COG5: variants seen among roughly 807,000 people sequenced by gnomAD.
The protein encoded by COG5 is component of oligomeric golgi complex 5.
A neutral mutation model predicts 110.4 loss-of-function variants in COG5; 86 were observed. The observed-to-expected ratio is 0.78, with a 90% confidence interval of 0.65 to 0.93. COG5 has a LOEUF of 0.93. COG5 is among the 40% of genes least tolerant of loss of function. The probability of loss-of-function intolerance (pLI) is 0.00; values close to 1 mark genes in which losing one functional copy is unlikely to be tolerated. For missense variants in COG5, 1,077 were observed against 987.0 expected, an observed-to-expected ratio of 1.09 and a Z score of -1.22; for synonymous variants, 360 against 334.6, an observed-to-expected ratio of 1.08 and a Z score of -0.83.
chr7:107,395,743 T>G (rs572562317), intron 7 of COG5, among the ~76,000 whole-genome samples: 7 of 151,826 alleles, frequency 4.6e-5, no homozygotes, highest in South Asian at 2.1e-4. Context: ...TTAGTAGAGA[T>G]AGGGTTTTTC....
intron 11 of COG5, among the ~76,000 whole-genome samples, chr7:107,311,780 G>C (rs531669407): frequency 1.3e-5 from 2 of 151,694 alleles, no homozygotes; most frequent in South Asian, 4.2e-4. Context: ...CTTACCTTTA[G>C]TGTTAATTAA....
At chr7:107,414,978 G>A (rs569813784) in intron 6 of COG5, among the ~76,000 whole-genome samples, 6 of 151,478 alleles carry the variant, frequency 4.0e-5, no homozygotes, top group South Asian at 2.1e-4. Flanking sequence ...CACCCGCCTC[G>A]GCCTCCCAAA....
chr7:107,358,953 G>A (rs1812863671), intron 10 of COG5, among the ~76,000 whole-genome samples: 1 of 152,072 alleles, frequency 6.6e-6, no homozygotes, highest in Admixed American at 6.5e-5. Flanking sequence ...TCCTTTCATT[G>A]TCACAAATCA....
chr7:107,333,260 G>A (rs1220635265), intron 10 of COG5, among the ~76,000 whole-genome samples: 2 of 152,048 alleles, frequency 1.3e-5, no homozygotes, highest in African/African-American at 2.4e-5. Flanking sequence ...AATAAAATAA[G>A]GCAAATAAAA....
At chr7:107,519,622 A>C (rs1373946512) in intron 6 of COG5, among the ~76,000 whole-genome samples, 1 of 152,218 alleles carries the variant, frequency 6.6e-6, no homozygotes, top group Non-Finnish European at 1.5e-5. Context: ...GAATAGACTA[A>C]TAACAAGTCC....
intron 15 of COG5, 26 bp downstream of exon 15, chr7:107,258,246 TA>T (rs539484225): frequency 9.9e-5 from 134 of 1,357,326 alleles, no homozygotes; most frequent in Non-Finnish European, 1.3e-4. Flanking sequence ...TAAAATTAAG[TA>T]AAAAAAAACT....
intron 7 of COG5, among the ~76,000 whole-genome samples, chr7:107,391,566 G>A (rs1356883183): frequency 1.3e-5 from 2 of 152,124 alleles, no homozygotes; most frequent in Non-Finnish European, 2.9e-5. Flanking sequence ...CAAATCCAAT[G>A]TCATGACACT....
chr7:107,308,290 G>C (rs1372166749), intron 11 of COG5, among the ~76,000 whole-genome samples: 1 of 151,956 alleles, frequency 6.6e-6, no homozygotes, highest in Non-Finnish European at 1.5e-5. Context: ...CTTATGTTTG[G>C]GTCTTACTCT....
chr7:107,396,175 A>G (rs1340279903), intron 7 of COG5, among the ~76,000 whole-genome samples: 2 of 152,190 alleles, frequency 1.3e-5, no homozygotes, highest in South Asian at 2.1e-4. Context: ...ATGGAGCTCC[A>G]TGGGAGATTA....
chr7:107,324,166 G>C (rs1223940736), intron 11 of COG5, among the ~76,000 whole-genome samples: 3 of 152,094 alleles, frequency 2.0e-5, no homozygotes, highest in Admixed American at 6.5e-5. Flanking sequence ...AATTCAGACA[G>C]AGTTCTTCTG....
At chr7:107,240,470 C>T (rs1801525843) in intron 17 of COG5, among the ~76,000 whole-genome samples, 1 of 152,176 alleles carries the variant, frequency 6.6e-6, no homozygotes, top group African/African-American at 2.4e-5. Flanking sequence ...CCTGCCTCGG[C>T]CTCCGAAAGT....
intron 7 of COG5, among the ~76,000 whole-genome samples, chr7:107,409,695 A>G (rs1164347200): frequency 6.6e-6 from 1 of 152,226 alleles, no homozygotes; most frequent in African/African-American, 2.4e-5. Flanking sequence ...GTAAAGAAGC[A>G]GGGCAGAAAG....
intron 10 of COG5, among the ~76,000 whole-genome samples, chr7:107,345,014 T>C (rs1811477176): frequency 6.6e-6 from 1 of 152,208 alleles, no homozygotes; most frequent in Admixed American, 6.5e-5. Flanking sequence ...ATGAGAGGCA[T>C]GTGACAGTTC....
At chr7:107,316,072 A>G (rs1361243732) in intron 11 of COG5, among the ~76,000 whole-genome samples, 1 of 152,184 alleles carries the variant, frequency 6.6e-6, no homozygotes, top group East Asian at 1.9e-4. Flanking sequence ...GCCAGATTAC[A>G]CCTAGTTGAG....
intron 10 of COG5, among the ~76,000 whole-genome samples, chr7:107,325,114 CATG>C (rs1287506684): frequency 6.6e-6 from 1 of 152,054 alleles, no homozygotes; most frequent in East Asian, 1.9e-4. Flanking sequence ...CTCAGTTTAG[CATG>C]ATACTTTCAA....
chr7:107,389,274 T>C (rs1790445584), intron 7 of COG5, among the ~76,000 whole-genome samples: 1 of 149,920 alleles, frequency 6.7e-6, no homozygotes, highest in Non-Finnish European at 1.5e-5. Flanking sequence ...TATAATAACG[T>C]GACTGCTTGG....
chr7:107,409,402 A>T (rs192212203), intron 7 of COG5, among the ~76,000 whole-genome samples: 1 of 152,154 alleles, frequency 6.6e-6, no homozygotes, highest in African/African-American at 2.4e-5. Flanking sequence ...TACTGAAAGT[A>T]ATCTACTTTC....
intron 7 of COG5, among the ~76,000 whole-genome samples, chr7:107,392,618 TA>T (rs527333305): frequency 6.8e-6 from 1 of 147,990 alleles, no homozygotes; most frequent in African/African-American, 2.5e-5. Context: ...CTAAGAATAT[TA>T]AAAAACAACT....
chr7:107,209,247 A>C, intron 21 of COG5: 1 of 985,298 alleles, frequency 1.0e-6, no homozygotes, highest in Non-Finnish European at 1.2e-6. Context: ...GACGCAACAG[A>C]GTGGGTTTGA....
Sources: gnomAD v4.1 joint callset for allele counts (sites outside exome capture counted in the v4.1 genomes callset) on GRCh38, gnomAD v4.1.1 for gene constraint, MANE v1.5 for transcripts, NCBI Gene and HGNC (gene_info 2026-07-23, HGNC 2026-07-21) for gene names.